Variants in SNTG1 observed in about 807,000 individuals in gnomAD.
The protein encoded by SNTG1 is gamma-1-syntrophin.
In SNTG1, 39 loss-of-function variants were observed where a neutral mutation model predicts 74.7. The ratio of observed to expected loss-of-function variants is 0.52; its 90% CI spans 0.40 to 0.68. The LOEUF (loss-of-function observed/expected upper bound fraction) is 0.68. Among genes scored for constraint, SNTG1 ranks in the 30% least tolerant of loss-of-function variants. The probability of loss-of-function intolerance (pLI) is 0.00; values close to 1 mark genes in which losing one functional copy is unlikely to be tolerated. For synonymous variants in SNTG1, 254 were observed against 217.1 expected, an observed-to-expected ratio of 1.17 and a Z score of -1.49; for missense variants, 685 against 609.5, an observed-to-expected ratio of 1.12 and a Z score of -1.30.
intron 1 of SNTG1, among the ~76,000 whole-genome samples, chr8:49,998,587 GACACACACAC>G (rs56162374): frequency 5.0e-4 from 68 of 136,922 alleles, no homozygotes; most frequent in African/African-American, 1.5e-3. Flanking sequence ...TAAAAATTAA[GACACACACAC>G]ACACACACAC....
At chr8:50,350,994 C>T (rs2091642592) in intron 2 of SNTG1, among the ~76,000 whole-genome samples, 3 of 152,280 alleles carry the variant, frequency 2.0e-5, no homozygotes, top group Admixed American at 6.5e-5. Flanking sequence ...CTTGTTGGTG[C>T]TCACTCTTTG....
rs1373867748 is a variant in SNTG1 at position 50,795,143 on chromosome 8, TTTAAA to T, written c.*2318_*2322del. ...TTTTGTGTACATACATTTAATATACTTTAAATTACGTTGTAAAATGTAGCTTGATT... is the reference window on the plus strand; with the variant it reads ...TTTTGTGTACATACATTTAATATACTTTACGTTGTAAAATGTAGCTTGATT... On this transcript the variant is annotated 3_prime_UTR_variant, in exon 19 of 19. Transcript: ENST00000642720. The T allele has an allele frequency of 1.3e-5, 2 of 151,992 alleles. No individual in the cohort carries two copies. The highest frequency in any genetic ancestry group is 2.4e-5 in the African/African-American group (1 of 41,414). The allele number at this position is 151,992 out of a possible 1,614,324, so 9.4% of individuals were successfully genotyped here.
At chr8:50,317,911 A>G (rs1390613962) in intron 2 of SNTG1, among the ~76,000 whole-genome samples, 5 of 151,910 alleles carry the variant, frequency 3.3e-5, no homozygotes, top group African/African-American at 1.2e-4. Flanking sequence ...ATCTCTGCTC[A>G]CTGCAAGCTC....
chr8:50,543,459 G>GTTGTT (rs376551565), intron 11 of SNTG1, among the ~76,000 whole-genome samples: 2,623 of 152,026 alleles, frequency 0.017, 65 homozygotes, highest in African/African-American at 0.059. Context: ...TGTTGTTGTT[G>GTTGTT]TTGCTGTTGT....
At chr8:49,982,174 C>T (rs1812740228) in intron 1 of SNTG1, among the ~76,000 whole-genome samples, 1 of 152,080 alleles carries the variant, frequency 6.6e-6, no homozygotes, top group Non-Finnish European at 1.5e-5. Context: ...CATCTATGCC[C>T]TGGAGAATTA....
chr8:50,560,836 C>A (rs549305592), intron 12 of SNTG1, among the ~76,000 whole-genome samples: 144 of 152,034 alleles, frequency 9.5e-4, no homozygotes, highest in Non-Finnish European at 1.7e-3. Flanking sequence ...GTGTAACAAA[C>A]CTGCACATCC....
At chr8:50,097,082 G>A (rs147476457) in intron 1 of SNTG1, among the ~76,000 whole-genome samples, 1 of 151,902 alleles carries the variant, frequency 6.6e-6, no homozygotes, top group Non-Finnish European at 1.5e-5. Context: ...CCATTCTCCT[G>A]CCTCAGCCTC....
At chr8:50,124,044 T>C (rs2131368175) in intron 1 of SNTG1, among the ~76,000 whole-genome samples, 1 of 142,726 alleles carries the variant, frequency 7.0e-6, no homozygotes, top group Admixed American at 7.2e-5. Context: ...GATTAATATG[T>C]TAAATTCTTA....
chr8:50,692,324 T>C (rs2095384358), intron 15 of SNTG1, among the ~76,000 whole-genome samples: 1 of 152,222 alleles, frequency 6.6e-6, no homozygotes, highest in Admixed American at 6.5e-5. Flanking sequence ...GGAGAGGCGC[T>C]CTGATTTTTA....
At chr8:50,374,757 T>G (rs1033042404) in intron 2 of SNTG1, among the ~76,000 whole-genome samples, 1 of 152,232 alleles carries the variant, frequency 6.6e-6, no homozygotes, top group African/African-American at 2.4e-5. Flanking sequence ...ATTTGGCTTC[T>G]ACACAGCATT....
chr8:49,932,648 CTT>C (rs1046026919), intron 1 of SNTG1, among the ~76,000 whole-genome samples: 4 of 151,994 alleles, frequency 2.6e-5, no homozygotes, highest in Non-Finnish European at 1.5e-5. Context: ...TACTTACCCT[CTT>C]AAAGTGTATA....
At chr8:50,421,770 G>A (rs1260523534) in intron 4 of SNTG1, among the ~76,000 whole-genome samples, 1 of 152,040 alleles carries the variant, frequency 6.6e-6, no homozygotes, top group Admixed American at 6.6e-5. Context: ...TTCATTAATA[G>A]GAAAAAAGGC....
chr8:50,576,750 T>C (rs972127500), intron 12 of SNTG1, among the ~76,000 whole-genome samples: 1 of 152,092 alleles, frequency 6.6e-6, no homozygotes, highest in African/African-American at 2.4e-5. Flanking sequence ...TTAAGTTTTC[T>C]TTTCAGATTG....
At chr8:50,453,899 G>A (rs2093478777) in intron 8 of SNTG1, among the ~76,000 whole-genome samples, 1 of 152,158 alleles carries the variant, frequency 6.6e-6, no homozygotes, top group African/African-American at 2.4e-5. Context: ...ATTCCAGTGA[G>A]GAGTTGACAT....
At chr8:50,770,838 C>A (rs1451069225) in intron 18 of SNTG1, among the ~76,000 whole-genome samples, 4 of 152,040 alleles carry the variant, frequency 2.6e-5, no homozygotes, top group Non-Finnish European at 5.9e-5. Flanking sequence ...AGGTTTGTCT[C>A]TCTTACTTCC....
chr8:50,042,483 C>T (rs1454423812), intron 1 of SNTG1, among the ~76,000 whole-genome samples: 4 of 152,122 alleles, frequency 2.6e-5, no homozygotes, highest in African/African-American at 7.2e-5. Flanking sequence ...AAAGCTTTGG[C>T]CTAGGAATTT....
intron 8 of SNTG1, among the ~76,000 whole-genome samples, chr8:50,488,499 C>G (rs1209100769): frequency 6.6e-6 from 1 of 152,132 alleles, no homozygotes; most frequent in African/African-American, 2.4e-5. Flanking sequence ...TTTAAAATAA[C>G]TCTCCACACA....
At chr8:50,293,506 T>C (rs2089224339) in intron 2 of SNTG1, among the ~76,000 whole-genome samples, 1 of 151,824 alleles carries the variant, frequency 6.6e-6, no homozygotes, top group Admixed American at 6.6e-5. Flanking sequence ...GCCTCCTGGG[T>C]TCAAGAGATT....
chr8:50,231,317 A>G (rs973185769), intron 2 of SNTG1, among the ~76,000 whole-genome samples: 1 of 151,380 alleles, frequency 6.6e-6, no homozygotes, highest in African/African-American at 2.4e-5. Context: ...ATGGAAACCA[A>G]TATGGTGGTT....
Sources: allele counts gnomAD v4.1 joint callset (sites outside exome capture counted in the v4.1 genomes callset), GRCh38; gene constraint gnomAD v4.1.1; transcripts MANE v1.5; gene names NCBI Gene and HGNC (gene_info 2026-07-23, HGNC 2026-07-21).